Variants in DLGAP2 observed in about 807,000 individuals in gnomAD.
DLGAP2 encodes the protein disks large-associated protein 2.
DLGAP2 carries 26 observed loss-of-function variants against 100.3 expected under a neutral mutation model. The observed-to-expected ratio is 0.26, with a 90% CI of 0.19 to 0.36. The LOEUF (loss-of-function observed/expected upper bound fraction) is 0.36. Ranked by LOEUF, DLGAP2 falls within the 10% of genes least tolerant of loss-of-function variation. The pLI is 1.00. For missense variants in DLGAP2, 1,858 were observed against 1,453.2 expected (o/e 1.28, Z -4.53); for synonymous variants, 886 against 630.1 (o/e 1.41, Z -6.08).
At chr8:1,005,027 T>C (rs1801066269) in intron 2 of DLGAP2, among the ~76,000 whole-genome samples, 1 of 152,178 alleles carries the variant, frequency 6.6e-6, no homozygotes, top group African/African-American at 2.4e-5. Context: ...GATGTGACCA[T>C]GGAGGGCAAT....
chr8:1,582,680 C>T (rs1185128676), intron 6 of DLGAP2, among the ~76,000 whole-genome samples: 2 of 152,172 alleles, frequency 1.3e-5, no homozygotes, highest in Admixed American at 6.5e-5. Context: ...ACCTCTTTCT[C>T]CTGGGTTCAA....
At chr8:919,414 G>C (rs183213122) in intron 2 of DLGAP2, among the ~76,000 whole-genome samples, 1 of 152,320 alleles carries the variant, frequency 6.6e-6, no homozygotes, top group East Asian at 1.9e-4. Context: ...GGCAGCGTGA[G>C]TGGGGAAGGG....
chr8:1,126,440 G>A (rs1477148219), intron 2 of DLGAP2, among the ~76,000 whole-genome samples: 1 of 151,640 alleles, frequency 6.6e-6, no homozygotes, highest in African/African-American at 2.4e-5. Context: ...AGGGAGGCAG[G>A]GGAGAGAAGA....
chr8:1,222,402 A>G (rs949432568), intron 2 of DLGAP2, among the ~76,000 whole-genome samples: 4 of 152,122 alleles, frequency 2.6e-5, no homozygotes, highest in Non-Finnish European at 4.4e-5. Flanking sequence ...GGGGGCTAGG[A>G]CCAGTCCCAT....
intron 3 of DLGAP2, among the ~76,000 whole-genome samples, chr8:1,449,951 T>C (rs1798100506): frequency 9.1e-6 from 1 of 109,322 alleles, no homozygotes; most frequent in African/African-American, 3.9e-5. Flanking sequence ...GCTGTGAGGG[T>C]GAAGACGAGG....
intron 1 of DLGAP2, among the ~76,000 whole-genome samples, chr8:777,996 G>A (rs1292273309): frequency 1.3e-5 from 2 of 152,144 alleles, no homozygotes; most frequent in African/African-American, 4.8e-5. Context: ...CCAATCAGAC[G>A]TAGATTTGGT....
At chr8:785,193 G>T (rs1473444318) in intron 1 of DLGAP2, among the ~76,000 whole-genome samples, 1 of 136,164 alleles carries the variant, frequency 7.3e-6, no homozygotes, top group African/African-American at 2.9e-5. Flanking sequence ...TTTTGGCCTG[G>T]CCTGGGCGAC....
intron 6 of DLGAP2, among the ~76,000 whole-genome samples, chr8:1,616,645 T>A (rs564079762): frequency 6.6e-6 from 1 of 152,310 alleles, no homozygotes; most frequent in South Asian, 2.1e-4. Context: ...AGCAAAAATA[T>A]CTTTTAAAAA....
intron 1 of DLGAP2, among the ~76,000 whole-genome samples, chr8:778,584 G>A (rs1229077085): frequency 6.6e-6 from 1 of 152,212 alleles, no homozygotes; most frequent in Non-Finnish European, 1.5e-5. Context: ...CTCAGCTGCA[G>A]GTCTTTTGGA....
intron 2 of DLGAP2, among the ~76,000 whole-genome samples, chr8:937,391 CA>C (rs946900198): frequency 1.3e-5 from 2 of 152,116 alleles, no homozygotes; most frequent in African/African-American, 4.8e-5. Context: ...TGGCTTTCTC[CA>C]AAAAAATTTT....
At chr8:1,362,514 G>C (rs911798549) in intron 3 of DLGAP2, among the ~76,000 whole-genome samples, 6 of 152,078 alleles carry the variant, frequency 3.9e-5, no homozygotes, top group African/African-American at 7.3e-5. Context: ...CTTACACTGT[G>C]TGGTCCCCGT....
At chr8:1,529,387 C>T (rs1466442723) in intron 4 of DLGAP2, among the ~76,000 whole-genome samples, 1 of 152,116 alleles carries the variant, frequency 6.6e-6, no homozygotes, top group East Asian at 1.9e-4. Context: ...AGACACAAAG[C>T]CTGGCCATAT....
chr8:795,379 A>T (rs1796002118), intron 1 of DLGAP2, among the ~76,000 whole-genome samples: 1 of 152,194 alleles, frequency 6.6e-6, no homozygotes, highest in South Asian at 2.1e-4. Flanking sequence ...TTTTCTCTGT[A>T]GGGCATGTCA....
At chr8:1,491,861 C>G (rs1387980789) in intron 3 of DLGAP2, among the ~76,000 whole-genome samples, 2 of 152,248 alleles carry the variant, frequency 1.3e-5, no homozygotes, top group Admixed American at 1.3e-4. Context: ...TGAATTCCTT[C>G]GGAAGATGAT....
At chr8:942,071 C>G (rs1047333767) in intron 2 of DLGAP2, among the ~76,000 whole-genome samples, 2 of 152,146 alleles carry the variant, frequency 1.3e-5, no homozygotes, top group African/African-American at 4.8e-5. Context: ...TGATTCTCCT[C>G]CTCTGGCCTC....
chr8:1,022,349 A>G (rs369364302), intron 2 of DLGAP2, among the ~76,000 whole-genome samples: 183 of 144,082 alleles, frequency 1.3e-3, no homozygotes, highest in African/African-American at 4.6e-3. Flanking sequence ...GCCGAGGTAG[A>G]CACTCTAAAC....
intron 2 of DLGAP2, among the ~76,000 whole-genome samples, chr8:1,139,926 G>A (rs761003131): frequency 7.2e-5 from 11 of 152,302 alleles, no homozygotes; most frequent in Non-Finnish European, 1.2e-4. Flanking sequence ...GAGGTCACAC[G>A]GCTGGTATTT....
At chr8:1,277,826 C>G (rs960630999) in intron 3 of DLGAP2, among the ~76,000 whole-genome samples, 1 of 152,136 alleles carries the variant, frequency 6.6e-6, no homozygotes, top group Non-Finnish European at 1.5e-5. Context: ...GTCCAACTCC[C>G]CACTATTTGC....
intron 1 of DLGAP2, among the ~76,000 whole-genome samples, chr8:882,439 G>A (rs899532495): frequency 1.5e-5 from 2 of 133,976 alleles, no homozygotes; most frequent in African/African-American, 5.7e-5. Flanking sequence ...CTGATCCAGC[G>A]GTACCTCTCC....
Sources: allele counts gnomAD v4.1 joint callset (sites outside exome capture counted in the v4.1 genomes callset), GRCh38; gene constraint gnomAD v4.1.1; transcripts MANE v1.5; gene names NCBI Gene and HGNC (gene_info 2026-07-23, HGNC 2026-07-21).